Variants in DYNC1I1 observed in about 807,000 individuals in gnomAD.
The protein encoded by DYNC1I1 is dynein cytoplasmic 1 intermediate chain 1.
In DYNC1I1, 43 loss-of-function variants were observed where a neutral mutation model predicts 86.6. The ratio of observed to expected loss-of-function variants is 0.50; its 90% confidence interval spans 0.39 to 0.64. DYNC1I1 has a LOEUF of 0.64. Ranked by LOEUF, DYNC1I1 falls within the 30% of genes least tolerant of loss-of-function variation. DYNC1I1 has a pLI of 0.00. For synonymous variants in DYNC1I1, 262 were observed against 283.7 expected (o/e 0.92, Z 0.77); for missense variants, 604 against 788.8 (o/e 0.77, Z 2.81).
intron 5 of DYNC1I1, among the ~76,000 whole-genome samples, chr7:95,830,754 A>G (rs1795303418): frequency 6.6e-6 from 1 of 152,206 alleles, no homozygotes. Context: ...TATAGTAGAT[A>G]CACATTTAAC....
At chr7:95,877,075 T>G (rs1403947946) in intron 6 of DYNC1I1, among the ~76,000 whole-genome samples, 1 of 152,168 alleles carries the variant, frequency 6.6e-6, no homozygotes, top group Non-Finnish European at 1.5e-5. Flanking sequence ...GGAAATTACT[T>G]CAGGTGGATG....
At chr7:95,808,888 T>C (rs1363835030) in intron 2 of DYNC1I1, among the ~76,000 whole-genome samples, 1 of 152,154 alleles carries the variant, frequency 6.6e-6, no homozygotes, top group African/African-American at 2.4e-5. Context: ...TAGATACAGA[T>C]CCTCACTCTG....
intron 10 of DYNC1I1, among the ~76,000 whole-genome samples, chr7:95,997,729 T>TA (rs943538551): frequency 5.3e-5 from 8 of 149,978 alleles, no homozygotes; most frequent in Admixed American, 2.7e-4. Context: ...CTCGTGATTT[T>TA]AAAAAAAAAG....
intron 14 of DYNC1I1, among the ~76,000 whole-genome samples, chr7:96,053,495 T>C (rs1789468082): frequency 6.6e-6 from 1 of 152,164 alleles, no homozygotes; most frequent in Non-Finnish European, 1.5e-5. Context: ...CCTTCTTGGT[T>C]CCAACAAACT....
At chr7:95,935,239 G>T (rs964147096) in intron 6 of DYNC1I1, among the ~76,000 whole-genome samples, 3 of 151,868 alleles carry the variant, frequency 2.0e-5, no homozygotes, top group Non-Finnish European at 4.4e-5. Context: ...TTGTCTTTCT[G>T]TGACTGGTAT....
rs542612396 is a variant in DYNC1I1 at position 95,821,512 on chromosome 7, G to A, written c.315-6545G>A. ...GTACTGCCAAAAACACAGTGAGAGA[G>A]GGAGGAAAAGAAATAAGATTTTCAG... On this transcript the variant is annotated intron_variant, in intron 4 of 16. Transcript: ENST00000447467. Among the ~76,000 whole-genome samples the A allele has an allele frequency of 1.8e-3, 270 of 152,028 alleles. 1 individual carries two copies. The highest frequency in any genetic ancestry group is 3.4e-3 in the Middle Eastern group (1 of 294).
chr7:96,104,916 T>G (rs1791192674), intron 16 of DYNC1I1, among the ~76,000 whole-genome samples: 1 of 152,138 alleles, frequency 6.6e-6, no homozygotes, highest in Non-Finnish European at 1.5e-5. Flanking sequence ...AAAAACATAC[T>G]GCTTGGATTT....
rs1382588644 is a variant in DYNC1I1, at chr7:95,834,021, G to A, written c.374+5905G>A. On this transcript the variant is annotated intron_variant, in intron 5 of 16. Coordinates refer to ENST00000447467, the MANE Select transcript of DYNC1I1 (RefSeq NM_001135556.2). The stretch of plus-strand genomic sequence containing the variant: ...TCCAACACTATGTTGAATAGGAGTG[G>A]TGAGAGAGGGCATCCCTGTCTTGTG... Among the ~76,000 whole-genome samples, 30 of 73,416 alleles carry A rather than the reference G, an allele frequency of 4.1e-4. 2 individuals are homozygous for A. The highest frequency in any genetic ancestry group is 1.8e-3 in the Admixed American group (11 of 6,220). The allele number at this position is 73,416 out of a possible 152,430, so 48.2% of individuals were successfully genotyped here.
intron 10 of DYNC1I1, among the ~76,000 whole-genome samples, chr7:96,027,241 G>A (rs967825232): frequency 6.6e-6 from 1 of 152,112 alleles, no homozygotes; most frequent in Non-Finnish European, 1.5e-5. Flanking sequence ...TACATGGTAA[G>A]TTCTCAGTGA....
At chr7:96,037,160 G>C (rs916033860) in intron 13 of DYNC1I1, among the ~76,000 whole-genome samples, 1 of 152,106 alleles carries the variant, frequency 6.6e-6, no homozygotes. Flanking sequence ...GTAGAAACAA[G>C]CAGTATTTGT....
chr7:95,943,536 A>G (rs181044919), intron 6 of DYNC1I1, among the ~76,000 whole-genome samples: 4,352 of 77,198 alleles, frequency 0.056, 215 homozygotes, highest in East Asian at 0.21. Context: ...TAAAGTTCAT[A>G]TGGAACCAAA....
At chr7:95,999,173 T>C (rs1793950271) in intron 10 of DYNC1I1, among the ~76,000 whole-genome samples, 1 of 152,216 alleles carries the variant, frequency 6.6e-6, no homozygotes, top group Non-Finnish European at 1.5e-5. Flanking sequence ...CCACACACTG[T>C]CATTAGATTA....
chr7:96,062,951 T>C (rs2116178398), intron 14 of DYNC1I1, among the ~76,000 whole-genome samples: 2 of 152,282 alleles, frequency 1.3e-5, no homozygotes, highest in South Asian at 4.1e-4. Context: ...TGGTTTGACC[T>C]GTTTGTATTA....
intron 6 of DYNC1I1, among the ~76,000 whole-genome samples, chr7:95,895,589 G>A (rs1790861356): frequency 6.6e-6 from 1 of 152,182 alleles, no homozygotes; most frequent in Admixed American, 6.5e-5. Flanking sequence ...CGTTGTTGAT[G>A]TTGTGAGTTG....
chr7:95,804,271 A>G (rs1029358784), intron 1 of DYNC1I1: 9 of 811,652 alleles, frequency 1.1e-5, no homozygotes, highest in Non-Finnish European at 1.5e-5. Flanking sequence ...GTCCATAGAA[A>G]TTTGAGCAGG....
chr7:95,832,477 T>G (rs1314373018), intron 5 of DYNC1I1, among the ~76,000 whole-genome samples: 5 of 151,950 alleles, frequency 3.3e-5, no homozygotes, highest in Admixed American at 3.3e-4. Flanking sequence ...CCTTTGGATA[T>G]ATACCCAGTA....
intron 10 of DYNC1I1, among the ~76,000 whole-genome samples, chr7:96,000,603 G>A (rs116011881): frequency 1.1e-3 from 171 of 152,266 alleles, no homozygotes; most frequent in African/African-American, 3.9e-3. Context: ...TGCCAATTGA[G>A]AATGACCGAT....
chr7:95,918,664 A>G (rs962684002), intron 6 of DYNC1I1, among the ~76,000 whole-genome samples: 1 of 152,170 alleles, frequency 6.6e-6, no homozygotes, highest in African/African-American at 2.4e-5. Context: ...ATTCCTTTGG[A>G]AAAAGAAAGA....
intron 5 of DYNC1I1, among the ~76,000 whole-genome samples, chr7:95,832,525 ATCC>A (rs1376446756): frequency 6.6e-6 from 1 of 151,952 alleles, no homozygotes; most frequent in African/African-American, 2.4e-5. Flanking sequence ...CTAGTTCTAG[ATCC>A]CTGAGGAATT....
Sources: allele counts gnomAD v4.1 joint callset (sites outside exome capture counted in the v4.1 genomes callset), GRCh38; gene constraint gnomAD v4.1.1; transcripts MANE v1.5; gene names NCBI Gene and HGNC (gene_info 2026-07-23, HGNC 2026-07-21).